Variants in SH3KBP1 observed in about 807,000 individuals in gnomAD.
SH3KBP1 encodes SH3 domain containing kinase binding protein 1, also known as SH3 domain-containing kinase-binding protein 1.
Under a neutral mutation model 50.1 loss-of-function variants are expected in SH3KBP1, and 8 were observed. The ratio of observed to expected loss-of-function variants is 0.16; its 90% CI spans 0.09 to 0.29. The LOEUF (loss-of-function observed/expected upper bound fraction) is 0.29, where lower values mean the gene tolerates loss of function less well. Among genes scored for constraint, SH3KBP1 ranks in the 10% least tolerant of loss-of-function variants. SH3KBP1 has a pLI of 1.00. For missense variants in SH3KBP1, 377 were observed against 535.2 expected (o/e 0.70, Z 2.92); for synonymous variants, 227 against 218.6 (o/e 1.04, Z -0.34).
intron 3 of SH3KBP1, among the ~76,000 whole-genome samples, chrX:19,740,313 A>G (rs1345422444): frequency 8.9e-6 from 1 of 112,087 alleles, no homozygotes; most frequent in African/African-American, 3.2e-5. Context: ...ATGAAGGCCC[A>G]CTGGAAAATA....
intron 12 of SH3KBP1, among the ~76,000 whole-genome samples, chrX:19,582,567 A>G (rs1445273102): frequency 8.9e-6 from 1 of 112,069 alleles, no homozygotes; most frequent in Non-Finnish European, 1.9e-5. Context: ...CCAAGGTTGT[A>G]AGCACCAACC....
chrX:19,796,689 G>A (rs2066726615), intron 2 of SH3KBP1, among the ~76,000 whole-genome samples: 1 of 112,463 alleles, frequency 8.9e-6, no homozygotes, highest in Admixed American at 9.4e-5. Context: ...GAGAAAGGCA[G>A]AAAGGGAAGA....
At chrX:19,828,853 G>C (rs1422106352) in intron 2 of SH3KBP1, among the ~76,000 whole-genome samples, 2 of 111,790 alleles carry the variant, frequency 1.8e-5, no homozygotes, top group African/African-American at 6.5e-5. Context: ...ATCATCACTG[G>C]GAGATTGGGT....
chrX:19,869,224 G>T (rs749690994), intron 1 of SH3KBP1, among the ~76,000 whole-genome samples: 3 of 112,185 alleles, frequency 2.7e-5, no homozygotes, highest in East Asian at 5.6e-4. Context: ...AAATTATGCT[G>T]TTTGCAGCCA....
intron 2 of SH3KBP1, among the ~76,000 whole-genome samples, chrX:19,781,196 T>C (rs1157868599): frequency 9.0e-6 from 1 of 111,703 alleles, no homozygotes; most frequent in Non-Finnish European, 1.9e-5. Context: ...TACCAGTATG[T>C]CTAAGTCTAA....
chrX:19,861,967 C>T (rs1262226576), intron 1 of SH3KBP1, among the ~76,000 whole-genome samples: 2 of 112,080 alleles, frequency 1.8e-5, no homozygotes, highest in African/African-American at 6.5e-5. Context: ...AAACTGTTGC[C>T]CTGACCTTTG....
At chrX:19,817,129 A>G (rs1055898904) in intron 2 of SH3KBP1, among the ~76,000 whole-genome samples, 2 of 111,868 alleles carry the variant, frequency 1.8e-5, no homozygotes, top group Non-Finnish European at 3.8e-5. Flanking sequence ...TCCTTTATCT[A>G]TATGTGTATT....
In SH3KBP1 at chrX:19,644,776, C is replaced by CT. The variant is rs1438586894; in HGVS notation, c.802+623dup. Among the ~76,000 whole-genome samples the CT allele has an allele frequency of 1.7e-4, 19 of 110,128 alleles. No individual in the cohort carries two copies. The East Asian group carries it at 3.9e-3, about 23-fold the overall frequency. ...TTAAAATTAAGTCCAATTGTTTTTC[C>CT]TTTTTTTTTAAACATGGCTACTAGA... On this transcript the variant is annotated intron_variant, in intron 7 of 17. Transcript: ENST00000397821.
At chrX:19,842,955 G>C in intron 1 of SH3KBP1, among the ~76,000 whole-genome samples, 1 of 105,735 alleles carries the variant, frequency 9.5e-6, no homozygotes, top group African/African-American at 3.4e-5. Flanking sequence ...TTAAGGAAGA[G>C]TTGGTTTCTT....
chrX:19,586,366 C>A (rs1488668485), intron 12 of SH3KBP1, among the ~76,000 whole-genome samples: 3 of 112,168 alleles, frequency 2.7e-5, no homozygotes, highest in African/African-American at 9.7e-5. Flanking sequence ...TGTTTGTAGC[C>A]CCTGGAGACT....
At chrX:19,884,340 T>G (rs890531424) in intron 1 of SH3KBP1, among the ~76,000 whole-genome samples, 10 of 112,723 alleles carry the variant, frequency 8.9e-5, no homozygotes, top group Admixed American at 4.7e-4. Flanking sequence ...GATGGATGGA[T>G]GGATGGATAG....
chrX:19,620,632 C>T (rs933134466), intron 8 of SH3KBP1, among the ~76,000 whole-genome samples: 4 of 111,351 alleles, frequency 3.6e-5, no homozygotes, highest in African/African-American at 9.8e-5. Flanking sequence ...AGAAAGGGCA[C>T]GGGGCAAGGA....
intron 1 of SH3KBP1, among the ~76,000 whole-genome samples, chrX:19,864,426 C>T (rs950224332): frequency 9.0e-6 from 1 of 111,555 alleles, no homozygotes; most frequent in Non-Finnish European, 1.9e-5. Flanking sequence ...AAGGAAGAGT[C>T]GCCTGGATTA....
chrX:19,628,531 C>T (rs1473777933), intron 8 of SH3KBP1, among the ~76,000 whole-genome samples: 1 of 111,416 alleles, frequency 9.0e-6, no homozygotes, highest in Non-Finnish European at 1.9e-5. Flanking sequence ...GCCTACATGG[C>T]ACTTGTCATC....
chrX:19,605,947 G>T (rs2067232295), intron 9 of SH3KBP1, among the ~76,000 whole-genome samples: 1 of 111,727 alleles, frequency 9.0e-6, no homozygotes, highest in African/African-American at 3.3e-5. Flanking sequence ...AGATGCATTT[G>T]GATTCCTAGG....
intron 1 of SH3KBP1, among the ~76,000 whole-genome samples, chrX:19,860,668 C>T (rs1372645054): frequency 1.8e-5 from 2 of 111,756 alleles, no homozygotes; most frequent in Non-Finnish European, 3.8e-5. Flanking sequence ...CAGTCCAATC[C>T]AATTTGAGGG....
At chrX:19,831,633 A>AATACCACCTTGGGCTTTCTTT (rs1202187629) in intron 2 of SH3KBP1, among the ~76,000 whole-genome samples, 1 of 106,914 alleles carries the variant, frequency 9.4e-6, no homozygotes, top group Non-Finnish European at 1.9e-5. Context: ...CTCTACTAAA[A>AATACCACCTTGGGCTTTCTTT]ATACAAAATC....
intron 2 of SH3KBP1, among the ~76,000 whole-genome samples, chrX:19,779,696 C>T (rs1226110790): frequency 9.5e-6 from 1 of 105,790 alleles, no homozygotes; most frequent in African/African-American, 3.4e-5. Context: ...TTTGTTCTTA[C>T]AATAGTTGAC....
intron 6 of SH3KBP1, among the ~76,000 whole-genome samples, chrX:19,657,370 A>C (rs1290517236): frequency 2.2e-5 from 2 of 91,721 alleles, no homozygotes; most frequent in Non-Finnish European, 4.2e-5. Flanking sequence ...ACAGAGCAAG[A>C]TCCTGCCTCG....
Sources: allele counts gnomAD v4.1 joint callset (sites outside exome capture counted in the v4.1 genomes callset), GRCh38; gene constraint gnomAD v4.1.1; transcripts MANE v1.5; gene names NCBI Gene and HGNC (gene_info 2026-07-23, HGNC 2026-07-21).